CHCHD6: variants seen among roughly 807,000 people sequenced by gnomAD.
CHCHD6 encodes coiled-coil-helix-coiled-coil-helix domain containing 6.
CHCHD6 carries 28 observed loss-of-function variants against 32.3 expected under a neutral mutation model. The observed-to-expected ratio is 0.87, with a 90% CI of 0.64 to 1.19. CHCHD6 has a LOEUF of 1.19. Ranked by LOEUF, CHCHD6 falls within the 50% of genes most tolerant of loss-of-function variation. The probability of loss-of-function intolerance (pLI) is 0.00; values close to 1 mark genes in which losing one functional copy is unlikely to be tolerated. For synonymous variants in CHCHD6, 122 were observed against 117.5 expected (o/e 1.04, Z -0.25); for missense variants, 333 against 307.0 (o/e 1.08, Z -0.63).
intron 6 of CHCHD6, among the ~76,000 whole-genome samples, chr3:126,936,900 T>C (rs1394107046): frequency 6.6e-6 from 1 of 152,220 alleles, no homozygotes; most frequent in Non-Finnish European, 1.5e-5. Context: ...TAATTCCATA[T>C]GTGGCTTGCA....
At chr3:126,912,121 T>C (rs1168295938) in intron 5 of CHCHD6, among the ~76,000 whole-genome samples, 2 of 152,088 alleles carry the variant, frequency 1.3e-5, no homozygotes, top group African/African-American at 4.8e-5. Flanking sequence ...CCTGTGTTGC[T>C]GTTGAGAGAA....
At chr3:126,796,601 A>C (rs967916574) in intron 4 of CHCHD6, among the ~76,000 whole-genome samples, 1 of 152,120 alleles carries the variant, frequency 6.6e-6, no homozygotes, top group Non-Finnish European at 1.5e-5. Context: ...AGTGGCTCCC[A>C]AGGCTGTACA....
intron 6 of CHCHD6, among the ~76,000 whole-genome samples, chr3:126,953,861 G>A (rs1651996344): frequency 6.6e-6 from 1 of 152,234 alleles, no homozygotes; most frequent in Admixed American, 6.5e-5. Context: ...ATCTGTGCAT[G>A]TGAAGAGTAG....
intron 4 of CHCHD6, among the ~76,000 whole-genome samples, chr3:126,748,819 C>A (rs1228413827): frequency 6.6e-6 from 1 of 152,144 alleles, no homozygotes; most frequent in Non-Finnish European, 1.5e-5. Flanking sequence ...GGCTGCAGCC[C>A]GGGCTGGGCT....
chr3:126,830,964 C>A (rs1940612902), intron 4 of CHCHD6, among the ~76,000 whole-genome samples: 1 of 152,194 alleles, frequency 6.6e-6, no homozygotes, highest in Non-Finnish European at 1.5e-5. Flanking sequence ...TGTACCAGGG[C>A]CTGCTCGGGG....
At chr3:126,812,173 G>T (rs1939683226) in intron 4 of CHCHD6, among the ~76,000 whole-genome samples, 1 of 150,664 alleles carries the variant, frequency 6.6e-6, no homozygotes, top group Non-Finnish European at 1.5e-5. Flanking sequence ...AATCTTCCAT[G>T]AAGTCTTAGA....
intron 4 of CHCHD6, among the ~76,000 whole-genome samples, chr3:126,847,026 T>C (rs946203923): frequency 3.3e-5 from 5 of 152,338 alleles, no homozygotes; most frequent in Admixed American, 6.5e-5. Context: ...TTCCTTTCTT[T>C]TATCCAAATT....
chr3:126,835,125 G>A (rs111343664), intron 4 of CHCHD6, among the ~76,000 whole-genome samples: 1 of 152,068 alleles, frequency 6.6e-6, no homozygotes, highest in Admixed American at 6.5e-5. Flanking sequence ...CAGCCTCTGG[G>A]GCCCCTGAGG....
intron 4 of CHCHD6, among the ~76,000 whole-genome samples, chr3:126,743,963 G>A (rs1292130836): frequency 6.6e-6 from 1 of 152,316 alleles, no homozygotes; most frequent in East Asian, 1.9e-4. Flanking sequence ...GAGGGCACAG[G>A]TAGTCAGAGG....
At chr3:126,786,956 A>G (rs530539084) in intron 4 of CHCHD6, among the ~76,000 whole-genome samples, 1 of 152,152 alleles carries the variant, frequency 6.6e-6, no homozygotes, top group Non-Finnish European at 1.5e-5. Flanking sequence ...TTATGGTTTT[A>G]GGTCTAACAT....
At chr3:126,935,220 G>GCCCTCTGCCTCAT in intron 6 of CHCHD6, 1 of 880,152 alleles carries the variant, frequency 1.1e-6, no homozygotes, top group African/African-American at 1.8e-5. Flanking sequence ...GCTGGCATGA[G>GCCCTCTGCCTCAT]GCAGAGGGCT....
At chr3:126,725,560 C>G (rs570409003) in intron 1 of CHCHD6, among the ~76,000 whole-genome samples, 44 of 152,328 alleles carry the variant, frequency 2.9e-4, no homozygotes, top group South Asian at 6.2e-4. Flanking sequence ...TGCATTACCC[C>G]CTAACAAGAG....
intron 4 of CHCHD6, among the ~76,000 whole-genome samples, chr3:126,748,527 G>A (rs574174202): frequency 2.6e-5 from 4 of 151,806 alleles, no homozygotes; most frequent in East Asian, 1.9e-4. Context: ...CCCGGGAGGC[G>A]GAGGTGGCGG....
chr3:126,784,038 C>T (rs528936704), intron 4 of CHCHD6, among the ~76,000 whole-genome samples: 1 of 152,214 alleles, frequency 6.6e-6, no homozygotes, highest in South Asian at 2.1e-4. Context: ...GTTGACCTCT[C>T]CTGGAGACAC....
chr3:126,832,067 T>C (rs559165192), intron 4 of CHCHD6, among the ~76,000 whole-genome samples: 150 of 152,302 alleles, frequency 9.8e-4, no homozygotes, highest in Admixed American at 3.3e-3. Flanking sequence ...ATTCAGCTCT[T>C]ATGAGGTGCC....
At chr3:126,831,249 T>TCTCCTGACCTC (rs1940627874) in intron 4 of CHCHD6, among the ~76,000 whole-genome samples, 1 of 151,914 alleles carries the variant, frequency 6.6e-6, no homozygotes, top group Non-Finnish European at 1.5e-5. Flanking sequence ...ATGGTCTCGA[T>TCTCCTGACCTC]CTCCTGACCT....
At chr3:126,746,185 G>A (rs575086194) in intron 4 of CHCHD6, among the ~76,000 whole-genome samples, 1 of 152,324 alleles carries the variant, frequency 6.6e-6, no homozygotes, top group African/African-American at 2.4e-5. Context: ...GGGAGTGACA[G>A]TCTCTGTGGA....
chr3:126,850,311 A>G (rs1276651432), intron 4 of CHCHD6, among the ~76,000 whole-genome samples: 1 of 152,228 alleles, frequency 6.6e-6, no homozygotes, highest in Non-Finnish European at 1.5e-5. Flanking sequence ...AGTTCATTTC[A>G]TTCTTAACTG....
intron 5 of CHCHD6, among the ~76,000 whole-genome samples, chr3:126,899,583 C>T (rs906365664): frequency 3.9e-5 from 6 of 152,192 alleles, no homozygotes; most frequent in Non-Finnish European, 7.3e-5. Flanking sequence ...TCCTCTCTAT[C>T]GTGGTTGCTT....
Sources: gnomAD v4.1 joint callset for allele counts (sites outside exome capture counted in the v4.1 genomes callset) on GRCh38, gnomAD v4.1.1 for gene constraint, MANE v1.5 for transcripts, NCBI Gene and HGNC (gene_info 2026-07-23, HGNC 2026-07-21) for gene names.